Variants in MDGA2 observed in about 807,000 individuals in gnomAD.
MDGA2 encodes MAM domain containing glycosylphosphatidylinositol anchor 2.
MDGA2 carries 40 observed loss-of-function variants against 117.8 expected under a neutral mutation model. That is an observed-to-expected ratio of 0.34 (90% CI 0.26 to 0.44). MDGA2 has a LOEUF of 0.44. MDGA2 is among the 20% of genes least tolerant of loss of function. MDGA2 has a pLI of 1.00. For missense variants in MDGA2, 1,123 were observed against 1,250.6 expected, an observed-to-expected ratio of 0.90 and a Z score of 1.54; for synonymous variants, 452 against 439.0, an observed-to-expected ratio of 1.03 and a Z score of -0.37.
intron 2 of MDGA2, among the ~76,000 whole-genome samples, chr14:47,280,710 T>TAA (rs998130643): frequency 6.6e-6 from 1 of 151,806 alleles, no homozygotes; most frequent in African/African-American, 2.4e-5. Context: ...GACTCAAAAG[T>TAA]AAAAAAATGG....
At chr14:47,456,133 GA>G (rs1376243223) in intron 1 of MDGA2, among the ~76,000 whole-genome samples, 1 of 152,128 alleles carries the variant, frequency 6.6e-6, no homozygotes, top group Non-Finnish European at 1.5e-5. Context: ...GTGAAAGAAG[GA>G]AAGGAGGGAA....
intron 12 of MDGA2, among the ~76,000 whole-genome samples, chr14:46,875,094 C>A (rs1882171999): frequency 6.6e-6 from 1 of 151,918 alleles, no homozygotes; most frequent in East Asian, 1.9e-4. Flanking sequence ...AATCCTTACT[C>A]ATGAGGCTTT....
chr14:47,440,418 G>A (rs146015830), intron 1 of MDGA2, among the ~76,000 whole-genome samples: 13 of 152,242 alleles, frequency 8.5e-5, no homozygotes, highest in African/African-American at 2.9e-4. Flanking sequence ...TCATGGGAAT[G>A]CTTTCTAGTA....
At chr14:47,130,174 A>G (rs796890315) in intron 5 of MDGA2, among the ~76,000 whole-genome samples, 5 of 152,142 alleles carry the variant, frequency 3.3e-5, no homozygotes, top group African/African-American at 9.6e-5. Flanking sequence ...GCCCATGCCT[A>G]TGTCCTGAAT....
At chr14:46,933,926 C>T (rs888395495) in intron 9 of MDGA2, among the ~76,000 whole-genome samples, 1 of 143,234 alleles carries the variant, frequency 7.0e-6, no homozygotes, top group African/African-American at 2.6e-5. Context: ...TGAATAACTC[C>T]TTGACTCTAA....
chr14:47,505,787 T>C (rs147051295), intron 1 of MDGA2, among the ~76,000 whole-genome samples: 4 of 152,328 alleles, frequency 2.6e-5, no homozygotes, highest in African/African-American at 4.8e-5. Context: ...TCATAATCTA[T>C]GGTAAGACCT....
intron 1 of MDGA2, among the ~76,000 whole-genome samples, chr14:47,452,154 G>C (rs1893254827): frequency 6.6e-6 from 1 of 151,978 alleles, no homozygotes; most frequent in South Asian, 2.1e-4. Context: ...CACATGTATA[G>C]GCAGGTCAAA....
At chr14:47,317,267 A>G (rs1889836804) in intron 1 of MDGA2, among the ~76,000 whole-genome samples, 1 of 152,130 alleles carries the variant, frequency 6.6e-6, no homozygotes, top group South Asian at 2.1e-4. Flanking sequence ...ATCTTTTTTT[A>G]GTTAGGATTT....
chr14:47,671,279 C>T (rs904606690), intron 1 of MDGA2, among the ~76,000 whole-genome samples: 1 of 152,126 alleles, frequency 6.6e-6, no homozygotes, highest in Non-Finnish European at 1.5e-5. Context: ...AACTTTTACA[C>T]TTAAGTATTG....
intron 15 of MDGA2, among the ~76,000 whole-genome samples, chr14:46,849,212 G>C (rs1463992017): frequency 6.6e-6 from 1 of 151,790 alleles, no homozygotes; most frequent in African/African-American, 2.4e-5. Flanking sequence ...TATTTTAATA[G>C]GCCAGAGAAA....
intron 9 of MDGA2, among the ~76,000 whole-genome samples, chr14:46,933,599 T>G (rs1884661724): frequency 6.6e-6 from 1 of 151,452 alleles, no homozygotes; most frequent in Non-Finnish European, 1.5e-5. Flanking sequence ...TTTGGGAAGA[T>G]TTCCATAAGT....
Position 47,382,140 on chromosome 14 carries a change from T to A in MDGA2, c.281-80590A>T, listed in dbSNP as rs939539637. On this transcript the variant is annotated intron_variant, in intron 1 of 16. Transcript: ENST00000399232. ...ATTTAATAAATGATGCTGGGAAAAC[T>A]GGCTAGCCATACGTAGAAAGCTGAA... Among the ~76,000 whole-genome samples, 11 of 152,294 alleles carry A rather than the reference T, an allele frequency of 7.2e-5. No individual in the cohort carries two copies. The East Asian group carries it at 2.1e-3, about 29-fold the overall frequency.
rs558527704 is a variant in MDGA2, at chr14:47,604,980, T to G, written c.280+69537A>C. Among the ~76,000 whole-genome samples, 282 of 150,952 alleles carry G rather than the reference T, an allele frequency of 1.9e-3. 2 individuals are homozygous for G. The highest frequency in any genetic ancestry group is 6.5e-3 in the African/African-American group (266 of 40,866). On this transcript the variant is annotated intron_variant, in intron 1 of 16. Transcript: ENST00000399232. ...CACCACACCATTCACAAATTCATGG[T>G]TTTTTTTTAAACCACTAAACTTGGT...
At chr14:46,997,409 C>T (rs574830164) in intron 8 of MDGA2, among the ~76,000 whole-genome samples, 1 of 152,076 alleles carries the variant, frequency 6.6e-6, no homozygotes, top group East Asian at 1.9e-4. Context: ...GCAGAATTTC[C>T]CGAAGAAATT....
chr14:47,200,701 C>A, intron 3 of MDGA2: 1 of 940,402 alleles, frequency 1.1e-6, no homozygotes. Flanking sequence ...TCTTGGCCTT[C>A]TCCTTCCTCT....
intron 1 of MDGA2, among the ~76,000 whole-genome samples, chr14:47,530,187 T>C (rs745654433): frequency 6.6e-6 from 1 of 152,154 alleles, no homozygotes; most frequent in Non-Finnish European, 1.5e-5. Flanking sequence ...AACAGATGCA[T>C]GAGGGGCGCC....
At chr14:47,554,287 TTGC>T (rs1895643524) in intron 1 of MDGA2, among the ~76,000 whole-genome samples, 1 of 152,220 alleles carries the variant, frequency 6.6e-6, no homozygotes, top group African/African-American at 2.4e-5. Flanking sequence ...GATATGAATT[TTGC>T]TGCTAGGAAA....
intron 1 of MDGA2, among the ~76,000 whole-genome samples, chr14:47,302,883 G>A (rs764879665): frequency 5.3e-5 from 8 of 152,030 alleles, no homozygotes; most frequent in African/African-American, 7.2e-5. Context: ...GGAAAAGACC[G>A]CTTATGATTA....
chr14:47,217,534 C>T (rs931565297), intron 3 of MDGA2, among the ~76,000 whole-genome samples: 1 of 151,784 alleles, frequency 6.6e-6, no homozygotes, highest in Non-Finnish European at 1.5e-5. Flanking sequence ...CAAAAGCAGA[C>T]TATACGTAGA....
Sources: allele counts gnomAD v4.1 joint callset (sites outside exome capture counted in the v4.1 genomes callset), GRCh38; gene constraint gnomAD v4.1.1; transcripts MANE v1.5; gene names NCBI Gene and HGNC (gene_info 2026-07-23, HGNC 2026-07-21).